YWHAE: variants seen among roughly 807,000 people sequenced by gnomAD.
The protein encoded by YWHAE is tyrosine 3-monooxygenase/tryptophan 5-monooxygenase activation protein epsilon.
A neutral mutation model predicts 30.1 loss-of-function variants in YWHAE; 4 were observed. The ratio of observed to expected loss-of-function variants is 0.13; its 90% CI spans 0.07 to 0.30. YWHAE has a LOEUF of 0.30. Ranked by LOEUF, YWHAE falls within the 10% of genes least tolerant of loss-of-function variation. The pLI is 1.00. For synonymous variants in YWHAE, 118 were observed against 111.8 expected (o/e 1.06, Z -0.35); for missense variants, 121 against 315.9 (o/e 0.38, Z 4.68).
intron 5 of YWHAE, among the ~76,000 whole-genome samples, chr17:1,349,601 A>G (rs2072587305): frequency 6.7e-6 from 1 of 148,838 alleles, no homozygotes; most frequent in Non-Finnish European, 1.5e-5. Context: ...AATTGAACAC[A>G]AATGAATTTC....
At chr17:1,381,291 A>T (rs1015014621) in intron 1 of YWHAE, among the ~76,000 whole-genome samples, 1 of 151,464 alleles carries the variant, frequency 6.6e-6, no homozygotes, top group African/African-American at 2.4e-5. Context: ...GAGGCGGGTG[A>T]CTCACCTGAG....
At chr17:1,360,988 G>A in intron 4 of YWHAE, 104 bp downstream of exon 4, 1 of 1,047,640 alleles carries the variant, frequency 9.5e-7, no homozygotes, top group East Asian at 2.4e-5. Context: ...GAATTACTAT[G>A]CAGCCAAGTC....
intron 5 of YWHAE, among the ~76,000 whole-genome samples, chr17:1,346,904 T>C (rs1002913216): frequency 3.3e-5 from 5 of 150,760 alleles, no homozygotes; most frequent in Non-Finnish European, 5.9e-5. Flanking sequence ...GGCATGAGAA[T>C]TGCTTGAACC....
chr17:1,398,805 G>A (rs1176706051), intron 1 of YWHAE: 3 of 152,160 alleles, frequency 2.0e-5, no homozygotes, highest in Non-Finnish European at 4.4e-5. Flanking sequence ...GACATTCGAT[G>A]AAGTTCTGAA....
intron 5 of YWHAE, among the ~76,000 whole-genome samples, chr17:1,353,115 C>T (rs980520580): frequency 6.6e-6 from 1 of 152,182 alleles, no homozygotes; most frequent in Non-Finnish European, 1.5e-5. Flanking sequence ...TACTAAAATA[C>T]TCTGAAGCGT....
intron 5 of YWHAE, among the ~76,000 whole-genome samples, chr17:1,353,814 TC>T (rs1291279584): frequency 6.6e-6 from 1 of 150,402 alleles, no homozygotes; most frequent in Non-Finnish European, 1.5e-5. Flanking sequence ...CTCTACAGAA[TC>T]CCAGAGGGAA....
intron 1 of YWHAE, among the ~76,000 whole-genome samples, chr17:1,376,337 A>C (rs1015482043): frequency 4.6e-5 from 7 of 152,136 alleles, no homozygotes; most frequent in African/African-American, 1.4e-4. Flanking sequence ...CGAAGACAGA[A>C]AGACAGACAG....
chr17:1,348,849 C>T (rs2072569296), intron 5 of YWHAE, among the ~76,000 whole-genome samples: 1 of 150,964 alleles, frequency 6.6e-6, no homozygotes, highest in Admixed American at 6.6e-5. Context: ...CGGGGAAACC[C>T]CGCCTCTACT....
chr17:1,391,901 C>T (rs1056544305), intron 1 of YWHAE, among the ~76,000 whole-genome samples: 3 of 152,198 alleles, frequency 2.0e-5, no homozygotes, highest in Non-Finnish European at 2.9e-5. Flanking sequence ...CTGGGCAATC[C>T]GCTGGGACCA....
chr17:1,396,428 G>GAA (rs946155750), intron 1 of YWHAE, among the ~76,000 whole-genome samples: 1 of 151,388 alleles, frequency 6.6e-6, no homozygotes, highest in African/African-American at 2.4e-5. Context: ...CGTCTCAAAA[G>GAA]AAAAAAAAGA....
At chr17:1,377,421 A>C (rs1398347613) in intron 1 of YWHAE, among the ~76,000 whole-genome samples, 1 of 152,154 alleles carries the variant, frequency 6.6e-6, no homozygotes, top group East Asian at 1.9e-4. Flanking sequence ...CAAGGGAAGA[A>C]AAGGGCACAG....
Position 1,345,277 on chromosome 17 carries a change from T to C in YWHAE, c.*170A>G, listed in dbSNP as rs1233469907. 6.2e-6 allele frequency: 4 copies of C among 647,674 alleles called. No individual in the cohort carries two copies. Among genetic ancestry groups the C allele is most frequent in the East Asian group, 5.5e-5 (2 of 36,292 alleles). 40.1% of individuals were successfully genotyped at this position (647,674 alleles called of 1,614,324 possible). A position where few individuals can be genotyped will look rare whatever the true frequency, so the allele number is the denominator to read the frequency against. ...AATTCACTCTTGCCTTTAAGAACTTTTGAAAACTGTTTAAAAAAAAAAAAA... is the reference window on the plus strand; with the variant it reads ...AATTCACTCTTGCCTTTAAGAACTTCTGAAAACTGTTTAAAAAAAAAAAAA... On this transcript the variant is annotated 3_prime_UTR_variant, in exon 6 of 6. Coordinates refer to ENST00000264335, the MANE Select transcript of YWHAE (RefSeq NM_006761.5).
intron 1 of YWHAE, among the ~76,000 whole-genome samples, chr17:1,373,685 G>C (rs781035631): frequency 2.6e-5 from 4 of 151,396 alleles, no homozygotes; most frequent in Non-Finnish European, 4.4e-5. Context: ...AAAAAGAAAA[G>C]TTTGAAATAC....
chr17:1,361,311 C>T lies in YWHAE; in HGVS notation c.372-13G>A. On this transcript the variant is annotated splice_polypyrimidine_tract_variant and intron_variant, in intron 3 of 5. Transcript: ENST00000264335. ...GTAGTCCCCTTTCCTAAAACAAAAC[C>T]AAAATTAAAAAAAAAAAAAAAATTT... 1 of 1,451,162 alleles carries T rather than the reference C, an allele frequency of 6.9e-7. No individual in the cohort carries two copies. Among genetic ancestry groups the T allele is most frequent in the Non-Finnish European group, 9.0e-7 (1 of 1,105,006 alleles). The allele number at this position is 1,451,162 out of a possible 1,614,324, so 89.9% of individuals were successfully genotyped here.
chr17:1,363,337 C>T (rs552920507), intron 2 of YWHAE, among the ~76,000 whole-genome samples: 2 of 152,292 alleles, frequency 1.3e-5, no homozygotes, highest in African/African-American at 4.8e-5. Context: ...TCGACGTTGG[C>T]TCATTGCAAC....
intron 1 of YWHAE, among the ~76,000 whole-genome samples, chr17:1,366,210 CAA>C (rs35109750): frequency 2.4e-5 from 3 of 127,180 alleles, no homozygotes; most frequent in Non-Finnish European, 1.7e-5. Context: ...GACTCCACCT[CAA>C]AAAAAAAAAA....
intron 1 of YWHAE, among the ~76,000 whole-genome samples, chr17:1,370,570 A>C (rs1028869704): frequency 1.3e-5 from 2 of 152,208 alleles, no homozygotes; most frequent in South Asian, 4.2e-4. Context: ...AGCTGAGACT[A>C]CAAGTGGGCG....
chr17:1,356,780 G>A (rs867202166), intron 4 of YWHAE, among the ~76,000 whole-genome samples: 2 of 142,868 alleles, frequency 1.4e-5, no homozygotes, highest in Admixed American at 7.1e-5. Context: ...CCAAGATGGT[G>A]AAAACCTGTC....
At chr17:1,398,722 A>AT (rs2073514154) in intron 1 of YWHAE, 1 of 152,158 alleles carries the variant, frequency 6.6e-6, no homozygotes, top group Non-Finnish European at 1.5e-5. Flanking sequence ...GTATTTCAAA[A>AT]GGTGGTCCAA....
Sources: gnomAD v4.1 joint callset for allele counts (sites outside exome capture counted in the v4.1 genomes callset) on GRCh38, gnomAD v4.1.1 for gene constraint, MANE v1.5 for transcripts, NCBI Gene and HGNC (gene_info 2026-07-23, HGNC 2026-07-21) for gene names.